Variants in KCNH1 observed in about 807,000 individuals in gnomAD.
KCNH1 encodes voltage-gated delayed rectifier potassium channel KCNH1.
Under a neutral mutation model 69.2 loss-of-function variants are expected in KCNH1, and 27 were observed. That is an observed-to-expected ratio of 0.39 (90% CI 0.29 to 0.54). The LOEUF (loss-of-function observed/expected upper bound fraction) is 0.54. KCNH1 is among the 20% of genes least tolerant of loss of function. The pLI is 0.68. For synonymous variants in KCNH1, 456 were observed against 487.7 expected (o/e 0.93, Z 0.86); for missense variants, 798 against 1,261.6 (o/e 0.63, Z 5.57).
chr1:211,120,335 G>A (rs1014967752), intron 1 of KCNH1, among the ~76,000 whole-genome samples: 2 of 151,900 alleles, frequency 1.3e-5, no homozygotes, highest in Non-Finnish European at 1.5e-5. Flanking sequence ...AGTTACAGGT[G>A]TATGCCACCA....
At chr1:210,719,323 T>C (rs1295195905) in intron 10 of KCNH1, among the ~76,000 whole-genome samples, 1 of 152,100 alleles carries the variant, frequency 6.6e-6, no homozygotes, top group East Asian at 1.9e-4. Context: ...GATTCTGCTA[T>C]TTGTAGGCAT....
intron 10 of KCNH1, among the ~76,000 whole-genome samples, chr1:210,730,836 C>A (rs1451786086): frequency 6.6e-6 from 1 of 152,208 alleles, no homozygotes; most frequent in Admixed American, 6.5e-5. Context: ...GTTGCCTACT[C>A]ATGCCCAACC....
At chr1:210,951,513 C>T (rs1415137626) in intron 6 of KCNH1, among the ~76,000 whole-genome samples, 2 of 152,244 alleles carry the variant, frequency 1.3e-5, no homozygotes, top group Admixed American at 6.5e-5. Flanking sequence ...AATCTGCTGG[C>T]AGTTTGTCGG....
intron 7 of KCNH1, chr1:210,861,623 G>C: frequency 1.3e-6 from 1 of 770,862 alleles, no homozygotes; most frequent in Non-Finnish European, 2.4e-6. Context: ...AGAGTATAGA[G>C]TATATACTGA....
chr1:210,881,223 G>A lies in KCNH1; in HGVS notation c.1462+38417C>T, dbSNP rs927615444. ...TCACTACATTGCCCAGGCTGGTCTT[G>A]AGCCCCTGAGCTCAAGTAATCTGCC... On this transcript the variant is annotated intron_variant, in intron 7 of 10. Transcript: ENST00000271751. Among the ~76,000 whole-genome samples the A allele has an allele frequency of 5.3e-5, 8 of 152,058 alleles. No homozygotes were observed. The South Asian group carries it at 6.2e-4, about 12-fold the overall frequency.
intron 7 of KCNH1, chr1:210,860,735 C>A (rs1314407947): frequency 2.8e-5 from 22 of 783,190 alleles, no homozygotes; most frequent in Admixed American, 8.7e-5. Flanking sequence ...ATGGCAGCTT[C>A]CACTTTCACA....
chr1:210,845,315 T>C (rs1267144919), intron 7 of KCNH1, among the ~76,000 whole-genome samples: 1 of 152,206 alleles, frequency 6.6e-6, no homozygotes, highest in African/African-American at 2.4e-5. Context: ...TGAACATCGA[T>C]GCAAAAATCC....
intron 7 of KCNH1, chr1:210,858,171 C>T (rs2102476867): frequency 6.6e-6 from 1 of 152,218 alleles, no homozygotes; most frequent in African/African-American, 2.4e-5. Flanking sequence ...GGGTGTTTAG[C>T]CATACTCTTA....
chr1:210,750,161 C>T (rs1683253242), intron 10 of KCNH1, among the ~76,000 whole-genome samples: 1 of 152,156 alleles, frequency 6.6e-6, no homozygotes, highest in Admixed American at 6.5e-5. Flanking sequence ...TCCCACATAC[C>T]ACAGTTTGCT....
Position 210,782,718 on chromosome 1 carries a change from C to A in KCNH1, c.1916-7174G>T, listed in dbSNP as rs533999576. Among the ~76,000 whole-genome samples, 20 of 151,814 alleles carry A rather than the reference C, an allele frequency of 1.3e-4. No homozygotes were observed. In the East Asian group the frequency reaches 2.5e-3, roughly 19 times the overall value. On this transcript the variant is annotated intron_variant, in intron 9 of 10. Coordinates refer to ENST00000271751, the MANE Select transcript of KCNH1 (RefSeq NM_172362.3). ...TCTGTCCTGGGCAACAACAGTGAAA[C>A]TCCGTCTCAAAAAAAAAAGAAAGAA...
At chr1:210,947,850 T>G (rs28711212) in intron 6 of KCNH1, among the ~76,000 whole-genome samples, 1,726 of 152,294 alleles carry the variant, frequency 0.011, 36 homozygotes, top group African/African-American at 0.039. Context: ...TATCACTTAA[T>G]CACTATGAAA....
intron 7 of KCNH1, among the ~76,000 whole-genome samples, chr1:210,850,380 G>C (rs758695496): frequency 6.6e-6 from 1 of 151,950 alleles, no homozygotes; most frequent in Admixed American, 6.6e-5. Flanking sequence ...GCGTGGTGGC[G>C]CGCACCTGTA....
chr1:211,082,272 T>TCATAA (rs1386747149), intron 5 of KCNH1, among the ~76,000 whole-genome samples: 2 of 152,226 alleles, frequency 1.3e-5, no homozygotes, highest in African/African-American at 4.8e-5. Context: ...TGTCTGAATT[T>TCATAA]CATAAACATT....
intron 7 of KCNH1, among the ~76,000 whole-genome samples, chr1:210,910,001 A>C (rs1574332730): frequency 6.6e-6 from 1 of 152,150 alleles, no homozygotes; most frequent in Admixed American, 6.5e-5. Context: ...ATGTTAAAAA[A>C]TTTTCATCAA....
chr1:211,000,017 A>AT (rs750638276), intron 6 of KCNH1, among the ~76,000 whole-genome samples: 9 of 152,206 alleles, frequency 5.9e-5, no homozygotes, highest in Non-Finnish European at 1.2e-4. Flanking sequence ...GTATCTCAAA[A>AT]TAATAAGAGC....
At chr1:210,745,841 A>C (rs897031080) in intron 10 of KCNH1, among the ~76,000 whole-genome samples, 1 of 152,168 alleles carries the variant, frequency 6.6e-6, no homozygotes, top group Non-Finnish European at 1.5e-5. Context: ...CTGTATAGCC[A>C]AGCAGCCCTC....
At chr1:210,687,371 G>C (rs1017849547) in intron 10 of KCNH1, among the ~76,000 whole-genome samples, 1 of 152,216 alleles carries the variant, frequency 6.6e-6, no homozygotes, top group African/African-American at 2.4e-5. Context: ...GACGTGGGCA[G>C]TTCAGACACT....
chr1:210,707,523 G>A (rs1681943109), intron 10 of KCNH1, among the ~76,000 whole-genome samples: 1 of 152,164 alleles, frequency 6.6e-6, no homozygotes, highest in Non-Finnish European at 1.5e-5. Context: ...TTTTTTATAT[G>A]GTCAATAAAG....
chr1:210,833,941 C>T (rs1255001407), intron 7 of KCNH1, among the ~76,000 whole-genome samples: 2 of 152,150 alleles, frequency 1.3e-5, no homozygotes, highest in African/African-American at 2.4e-5. Flanking sequence ...AAAATGCTCA[C>T]CATCACTGGC....
Sources: allele counts gnomAD v4.1 joint callset (sites outside exome capture counted in the v4.1 genomes callset), GRCh38; gene constraint gnomAD v4.1.1; transcripts MANE v1.5; gene names NCBI Gene and HGNC (gene_info 2026-07-23, HGNC 2026-07-21).